CNTNAP2: variants seen among roughly 807,000 people sequenced by gnomAD.
CNTNAP2 encodes contactin-associated protein-like 2.
In CNTNAP2, 98 loss-of-function variants were observed where a neutral mutation model predicts 155.2. The observed-to-expected ratio is 0.63, with a 90% confidence interval of 0.54 to 0.75. The LOEUF is 0.75. Among genes scored for constraint, CNTNAP2 ranks in the 30% least tolerant of loss-of-function variants. The pLI, the probability that CNTNAP2 is intolerant of heterozygous loss-of-function variation, is 0.00. For missense variants in CNTNAP2, 1,727 were observed against 1,688.1 expected, an observed-to-expected ratio of 1.02 and a Z score of -0.40; for synonymous variants, 651 against 631.2, an observed-to-expected ratio of 1.03 and a Z score of -0.47.
chr7:147,808,900 AGGCAGTAGGATATACTC>A (rs1356702763), intron 13 of CNTNAP2, among the ~76,000 whole-genome samples: 1 of 152,194 alleles, frequency 6.6e-6, no homozygotes, highest in Admixed American at 6.5e-5. Flanking sequence ...ACTCAAAGGC[AGGCAGTAGGATATACTC>A]ATTTTTTAAA....
At chr7:147,615,604 A>T (rs752933471) in intron 12 of CNTNAP2, among the ~76,000 whole-genome samples, 90 of 152,280 alleles carry the variant, frequency 5.9e-4, no homozygotes, top group Non-Finnish European at 1.9e-4. Context: ...TCTTTATTGG[A>T]TCATTCTTAT....
chr7:146,590,066 A>G (rs1316757706), intron 1 of CNTNAP2, among the ~76,000 whole-genome samples: 1 of 152,198 alleles, frequency 6.6e-6, no homozygotes, highest in African/African-American at 2.4e-5. Flanking sequence ...GGAAAGAAGA[A>G]CAGGTTCATA....
intron 21 of CNTNAP2, among the ~76,000 whole-genome samples, chr7:148,268,058 T>TA (rs1218446156): frequency 1.3e-5 from 2 of 152,272 alleles, no homozygotes; most frequent in South Asian, 2.1e-4. Context: ...TGTGCAAAGC[T>TA]AAAAAATGTA....
chr7:147,648,993 C>T (rs1021364995), intron 13 of CNTNAP2, among the ~76,000 whole-genome samples: 2 of 152,266 alleles, frequency 1.3e-5, no homozygotes, highest in Admixed American at 6.5e-5. Context: ...TATGAAAGAA[C>T]GTTTTCCCTC....
intron 20 of CNTNAP2, among the ~76,000 whole-genome samples, chr7:148,258,084 A>T (rs967435861): frequency 6.6e-6 from 1 of 152,218 alleles, no homozygotes; most frequent in Non-Finnish European, 1.5e-5. Context: ...TTTATTAGAT[A>T]ACACTACAGA....
chr7:146,238,350 T>G (rs368255262), intron 1 of CNTNAP2, among the ~76,000 whole-genome samples: 20 of 152,140 alleles, frequency 1.3e-4, no homozygotes, highest in Non-Finnish European at 2.5e-4. Flanking sequence ...TACACACAGT[T>G]TTACGACCAT....
At chr7:148,034,357 T>G (rs1271099759) in intron 15 of CNTNAP2, among the ~76,000 whole-genome samples, 1 of 152,152 alleles carries the variant, frequency 6.6e-6, no homozygotes, top group Non-Finnish European at 1.5e-5. Context: ...TGCAGGGATA[T>G]TGGGAGGTTA....
intron 14 of CNTNAP2, among the ~76,000 whole-genome samples, chr7:147,915,756 G>C (rs547299773): frequency 2.4e-4 from 36 of 149,654 alleles, no homozygotes; most frequent in Middle Eastern, 7.1e-3. Context: ...GTGGCGGGCG[G>C]GGGTGAAGAA....
intron 1 of CNTNAP2, among the ~76,000 whole-genome samples, chr7:146,427,682 T>C (rs184454164): frequency 1.3e-5 from 2 of 152,298 alleles, no homozygotes; most frequent in Non-Finnish European, 2.9e-5. Context: ...CATACGTTAT[T>C]TTGTCTATAG....
intron 13 of CNTNAP2, among the ~76,000 whole-genome samples, chr7:147,670,427 G>C (rs927792127): frequency 6.6e-6 from 1 of 152,188 alleles, no homozygotes; most frequent in Non-Finnish European, 1.5e-5. Context: ...TCCAAAGTGA[G>C]AACTTACATC....
intron 11 of CNTNAP2, among the ~76,000 whole-genome samples, chr7:147,551,209 T>C (rs2116765007): frequency 6.6e-6 from 1 of 152,326 alleles, no homozygotes; most frequent in Non-Finnish European, 1.5e-5. Context: ...CAGGTGGTAA[T>C]AAATTGTTTT....
intron 1 of CNTNAP2, among the ~76,000 whole-genome samples, chr7:146,492,216 AG>A (rs1797151340): frequency 7.0e-6 from 1 of 142,624 alleles, no homozygotes; most frequent in South Asian, 2.6e-4. Flanking sequence ...TTGAGAGAAG[AG>A]GGGGGCAGGA....
At chr7:146,737,254 A>C (rs1801636708) in intron 1 of CNTNAP2, among the ~76,000 whole-genome samples, 1 of 152,152 alleles carries the variant, frequency 6.6e-6, no homozygotes, top group South Asian at 2.1e-4. Flanking sequence ...TATTCTATGC[A>C]TTACCTCACA....
At chr7:147,580,052 A>C (rs1418743050) in intron 12 of CNTNAP2, among the ~76,000 whole-genome samples, 2 of 152,174 alleles carry the variant, frequency 1.3e-5, no homozygotes. Flanking sequence ...TTTGATAGTA[A>C]ATTATTCAAC....
At chr7:147,307,538 C>T (rs1176186514) in intron 9 of CNTNAP2, among the ~76,000 whole-genome samples, 1 of 152,080 alleles carries the variant, frequency 6.6e-6, no homozygotes, top group African/African-American at 2.4e-5. Context: ...GAGACAGGAT[C>T]ACACCACTGC....
intron 23 of CNTNAP2, chr7:148,414,622 G>A (rs1007387474): frequency 1.3e-5 from 2 of 152,368 alleles, no homozygotes; most frequent in South Asian, 2.1e-4. Context: ...CTGGTCAAGT[G>A]ACATTTTGCT....
At chr7:148,286,167 A>T (rs924524810) in intron 21 of CNTNAP2, among the ~76,000 whole-genome samples, 3 of 152,206 alleles carry the variant, frequency 2.0e-5, no homozygotes, top group Non-Finnish European at 4.4e-5. Flanking sequence ...GGGTTGGCAG[A>T]GGCAGGAGAA....
rs1026073128 is a variant in CNTNAP2 at position 148,370,382 on chromosome 7, G to A, written c.3476-13267G>A. Among the ~76,000 whole-genome samples, 131 of 152,148 alleles carry A rather than the reference G, an allele frequency of 8.6e-4. 2 individuals carry two copies. Among genetic ancestry groups the A allele is most frequent in the Non-Finnish European group, 2.1e-4 (14 of 68,038 alleles). On this transcript the variant is annotated intron_variant, in intron 21 of 23. Transcript: ENST00000361727. ...TCCCTCCACGCAGAAAGAGAGTCAG[G>A]GACAGCACCGGGGGCTGAATCCCTG...
At chr7:146,308,982 T>C (rs1429645726) in intron 1 of CNTNAP2, among the ~76,000 whole-genome samples, 1 of 151,862 alleles carries the variant, frequency 6.6e-6, no homozygotes, top group Non-Finnish European at 1.5e-5. Context: ...ATAATAATAA[T>C]AATAAAGAAA....
Sources: gnomAD v4.1 joint callset for allele counts (sites outside exome capture counted in the v4.1 genomes callset) on GRCh38, gnomAD v4.1.1 for gene constraint, MANE v1.5 for transcripts, NCBI Gene and HGNC (gene_info 2026-07-23, HGNC 2026-07-21) for gene names.